The following GLIS3 variants were observed in gnomAD, a reference collection of about 807,000 sequenced individuals.
GLIS3 encodes the protein zinc finger protein GLIS3.
Under a neutral mutation model 78.6 loss-of-function variants are expected in GLIS3, and 53 were observed. The ratio of observed to expected loss-of-function variants is 0.67; its 90% CI spans 0.54 to 0.85. GLIS3 has a LOEUF of 0.85. GLIS3 is among the 40% of genes least tolerant of loss of function. GLIS3 has a pLI of 0.00. For missense variants in GLIS3, 1,703 were observed against 1,231.1 expected (o/e 1.38, Z -5.74); for synonymous variants, 684 against 509.9 (o/e 1.34, Z -4.60).
At chr9:4,423,279 G>A in the GLIS3 span, among the ~76,000 whole-genome samples, 4 of 152,124 alleles carry the variant, frequency 2.6e-5, no homozygotes, top group Non-Finnish European at 5.9e-5. Flanking sequence ...AATTTTCAGG[G>A]AGCTGAAGCT....
intron 4 of GLIS3, among the ~76,000 whole-genome samples, chr9:3,939,235 G>A (rs188798428): frequency 1.2e-4 from 19 of 152,244 alleles, no homozygotes; most frequent in Admixed American, 3.9e-4. Context: ...GGATGAGAGC[G>A]GAGAACTACT....
At chr9:3,878,638 G>C (rs1821489356) in intron 8 of GLIS3, 1 of 152,074 alleles carries the variant, frequency 6.6e-6, no homozygotes, top group Non-Finnish European at 1.5e-5. Flanking sequence ...GAGTAACCAG[G>C]TAGGTCAACT....
chr9:4,238,995 T>C (rs951576366), intron 2 of GLIS3, among the ~76,000 whole-genome samples: 1 of 152,042 alleles, frequency 6.6e-6, no homozygotes, highest in Non-Finnish European at 1.5e-5. Flanking sequence ...GCTTCATCCA[T>C]GTCCCTACAA....
chr9:4,226,322 A>G (rs1198643025), intron 2 of GLIS3, among the ~76,000 whole-genome samples: 3 of 152,220 alleles, frequency 2.0e-5, no homozygotes, highest in African/African-American at 7.2e-5. Context: ...CTCCGTAAAG[A>G]TAGGTCCATA....
At chr9:4,315,378 G>A (rs186378653) in intron 2 of GLIS3, among the ~76,000 whole-genome samples, 7,898 of 152,054 alleles carry the variant, frequency 0.052, 702 homozygotes, top group African/African-American at 0.18. Context: ...GTATTTCAAG[G>A]CCTGCTCACT....
intron 4 of GLIS3, among the ~76,000 whole-genome samples, chr9:3,939,810 C>G (rs114227654): frequency 9.6e-4 from 146 of 152,232 alleles, no homozygotes; most frequent in African/African-American, 3.5e-3. Flanking sequence ...TCATAACATA[C>G]ACCCCCAACT....
chr9:4,128,973 G>C (rs139891609), intron 2 of GLIS3, among the ~76,000 whole-genome samples: 1 of 152,264 alleles, frequency 6.6e-6, no homozygotes, highest in African/African-American at 2.4e-5. Context: ...TGTCACAAAT[G>C]GTATCCTTGA....
At chr9:4,351,864 C>T (rs1279023382), upstream of GLIS3, among the ~76,000 whole-genome samples, 1 of 149,758 alleles carries the variant, frequency 6.7e-6, no homozygotes, top group African/African-American at 2.5e-5. Flanking sequence ...GCACAGTTTT[C>T]TTAAAAAAAA....
chr9:4,431,826 A>T, the GLIS3 span, among the ~76,000 whole-genome samples: 2 of 151,004 alleles, frequency 1.3e-5, no homozygotes, highest in Non-Finnish European at 3.0e-5. Context: ...CCTGGGCAAC[A>T]AGAGCAAAAC....
intron 4 of GLIS3, among the ~76,000 whole-genome samples, chr9:4,100,496 G>A (rs1326159667): frequency 6.6e-6 from 1 of 152,138 alleles, no homozygotes; most frequent in African/African-American, 2.4e-5. Flanking sequence ...GAGATGTACA[G>A]TTTTTTGCAT....
chr9:4,260,722 G>C (rs1279948343), intron 2 of GLIS3, among the ~76,000 whole-genome samples: 1 of 151,990 alleles, frequency 6.6e-6, no homozygotes, highest in South Asian at 2.1e-4. Context: ...CTCCAGCCTG[G>C]TGACAGAGCA....
intron 6 of GLIS3, among the ~76,000 whole-genome samples, chr9:3,911,840 A>G (rs1300999172): frequency 6.6e-6 from 1 of 152,156 alleles, no homozygotes; most frequent in Non-Finnish European, 1.5e-5. Context: ...TTCTATTATT[A>G]TTTTTATTAA....
intron 2 of GLIS3, among the ~76,000 whole-genome samples, chr9:4,273,235 T>C (rs1420490877): frequency 1.3e-5 from 2 of 152,168 alleles, no homozygotes; most frequent in Non-Finnish European, 2.9e-5. Flanking sequence ...AGATCTATAC[T>C]ACCTCACACA....
chr9:4,205,175 C>CAAAA (rs200420029), intron 2 of GLIS3, among the ~76,000 whole-genome samples: 5 of 124,724 alleles, frequency 4.0e-5, no homozygotes, highest in Non-Finnish European at 8.4e-5. Context: ...GAGACTCTGT[C>CAAAA]AAAAAAAAAA....
At chr9:4,024,193 C>G (rs1355554826) in intron 4 of GLIS3, among the ~76,000 whole-genome samples, 1 of 152,150 alleles carries the variant, frequency 6.6e-6, no homozygotes, top group Non-Finnish European at 1.5e-5. Flanking sequence ...TGCAACCCCC[C>G]AGTCTGTCTG....
chr9:4,424,699 G>A, the GLIS3 span, among the ~76,000 whole-genome samples: 4 of 152,132 alleles, frequency 2.6e-5, no homozygotes, highest in Non-Finnish European at 2.9e-5. Context: ...GAGTAGCTGT[G>A]ACTACAGGCA....
chr9:4,140,860 A>G (rs1284922840), intron 2 of GLIS3, among the ~76,000 whole-genome samples: 2 of 149,906 alleles, frequency 1.3e-5, no homozygotes, highest in Non-Finnish European at 2.9e-5. Context: ...GTGCAGTGGC[A>G]CAATCTCAGC....
intron 4 of GLIS3, among the ~76,000 whole-genome samples, chr9:4,019,925 T>C (rs1822744177): frequency 6.6e-6 from 1 of 150,716 alleles, no homozygotes; most frequent in African/African-American, 2.5e-5. Context: ...CTGGCTAACA[T>C]ATAAATTTTT....
chr9:3,979,145 T>C (rs1469077066), intron 4 of GLIS3, among the ~76,000 whole-genome samples: 1 of 152,208 alleles, frequency 6.6e-6, no homozygotes, highest in African/African-American at 2.4e-5. Context: ...AATATGTTTC[T>C]TAGAAGCATC....
Sources: allele counts gnomAD v4.1 joint callset (sites outside exome capture counted in the v4.1 genomes callset), GRCh38; gene constraint gnomAD v4.1.1; transcripts MANE v1.5; gene names NCBI Gene and HGNC (gene_info 2026-07-23, HGNC 2026-07-21).